The following PSD3 variants were observed in gnomAD, a reference collection of about 807,000 sequenced individuals.
PSD3 encodes the protein PH and SEC7 domain-containing protein 3.
PSD3 carries 49 observed loss-of-function variants against 105.5 expected under a neutral mutation model. That is an observed-to-expected ratio of 0.46 (90% CI 0.37 to 0.59). The LOEUF is 0.59. Ranked by LOEUF, PSD3 falls within the 20% of genes least tolerant of loss-of-function variation. PSD3 has a pLI of 0.00. For synonymous variants in PSD3, 557 were observed against 457.8 expected (o/e 1.22, Z -2.77); for missense variants, 1,561 against 1,263.8 (o/e 1.24, Z -3.57).
chr8:18,973,761 T>C (rs1301901443), intron 1 of PSD3, among the ~76,000 whole-genome samples: 1 of 152,208 alleles, frequency 6.6e-6, no homozygotes. Flanking sequence ...AGTGGGAGTA[T>C]TAGAGTTGGA....
At chr8:18,891,488 A>C (rs1308145763) in intron 2 of PSD3, among the ~76,000 whole-genome samples, 2 of 152,066 alleles carry the variant, frequency 1.3e-5, no homozygotes, top group Non-Finnish European at 2.9e-5. Flanking sequence ...CAATTTTTTA[A>C]ATGTGTGATG....
chr8:18,726,591 G>A (rs529723082), intron 9 of PSD3, among the ~76,000 whole-genome samples: 3 of 152,270 alleles, frequency 2.0e-5, no homozygotes, highest in East Asian at 1.9e-4. Context: ...TGCTCATGGC[G>A]AAAGATTTCC....
intron 4 of PSD3, among the ~76,000 whole-genome samples, chr8:18,828,541 C>T (rs945737369): frequency 3.3e-5 from 5 of 152,152 alleles, no homozygotes; most frequent in African/African-American, 1.2e-4. Flanking sequence ...TGGCTCATGT[C>T]TGTAATCCCA....
In PSD3 at chr8:18,528,983, G is replaced by A. The variant is rs1349779465; in HGVS notation, c.*6760C>T. 1 of 152,342 alleles carries A rather than the reference G, an allele frequency of 6.6e-6. No homozygotes were observed. The highest frequency in any genetic ancestry group is 2.1e-4 in the South Asian group (1 of 4,818). The allele number at this position is 152,342 out of a possible 1,614,324, so 9.4% of individuals were successfully genotyped here. A position where few individuals can be genotyped will look rare whatever the true frequency, so the allele number is the denominator to read the frequency against. On this transcript the variant is annotated 3_prime_UTR_variant, in exon 16 of 16. Coordinates refer to ENST00000327040, the MANE Select transcript of PSD3 (RefSeq NM_015310.4). The stretch of plus-strand genomic sequence containing the variant: ...CAGTCGGAGCTCTCTTACCAGTAAA[G>A]CTCAGAGGGGAGTGTGGACAAGGCA...
chr8:18,790,371 C>T lies in PSD3; in HGVS notation c.2082+8924G>A, dbSNP rs189992712. Reference sequence around the variant, plus strand: ...AAGCTGGAGTGCAGTGGAGTGATCTCGGCTCACTGCAAGCTCTGCTTCCAA... The same window carrying T: ...AAGCTGGAGTGCAGTGGAGTGATCTTGGCTCACTGCAAGCTCTGCTTCCAA... On this transcript the variant is annotated intron_variant, in intron 8 of 15. Coordinates refer to ENST00000327040, the MANE Select transcript of PSD3 (RefSeq NM_015310.4). Among the ~76,000 whole-genome samples the T allele has an allele frequency of 7.5e-5, 11 of 146,888 alleles. No individual in the cohort carries two copies. The South Asian group carries it at 1.1e-3, about 14-fold the overall frequency.
At chr8:18,789,313 A>T (rs1585997955) in intron 8 of PSD3, among the ~76,000 whole-genome samples, 2 of 152,186 alleles carry the variant, frequency 1.3e-5, no homozygotes, top group South Asian at 4.1e-4. Flanking sequence ...AACCGACTAT[A>T]AACACAAACA....
At chr8:18,927,622 T>C (rs113717434) in intron 2 of PSD3, among the ~76,000 whole-genome samples, 24 of 152,334 alleles carry the variant, frequency 1.6e-4, no homozygotes, top group African/African-American at 5.5e-4. Flanking sequence ...TGCTGCTGTG[T>C]AGCCACTGAC....
chr8:19,011,278 CCA>C (rs1826938049), intron 1 of PSD3, among the ~76,000 whole-genome samples: 1 of 152,168 alleles, frequency 6.6e-6, no homozygotes, highest in East Asian at 1.9e-4. Flanking sequence ...TAACCTATCA[CCA>C]CACTGGTGTC....
At chr8:18,733,927 G>A (rs570683131) in intron 9 of PSD3, 1 of 152,400 alleles carries the variant, frequency 6.6e-6, no homozygotes, top group African/African-American at 2.4e-5. Context: ...AGACCACACA[G>A]AAGGCCAAAA....
intron 1 of PSD3, among the ~76,000 whole-genome samples, chr8:19,061,917 C>T (rs1290289325): frequency 6.6e-6 from 1 of 152,152 alleles, no homozygotes; most frequent in African/African-American, 2.4e-5. Flanking sequence ...AAGGTCATGT[C>T]CTATATTCTA....
At chr8:18,594,700 C>G (rs1252158328) in intron 12 of PSD3, among the ~76,000 whole-genome samples, 1 of 151,500 alleles carries the variant, frequency 6.6e-6, no homozygotes, top group Non-Finnish European at 1.5e-5. Flanking sequence ...CATGGATGCT[C>G]AAGTCACTTA....
chr8:18,944,522 G>A (rs1186697490), intron 1 of PSD3, among the ~76,000 whole-genome samples: 1 of 152,046 alleles, frequency 6.6e-6, no homozygotes, highest in African/African-American at 2.4e-5. Context: ...AGTGAGCCAA[G>A]ATTGAGCCAC....
chr8:18,655,464 G>C (rs1808820533), intron 10 of PSD3, among the ~76,000 whole-genome samples, 178 bp downstream of exon 10: 1 of 152,074 alleles, frequency 6.6e-6, no homozygotes, highest in South Asian at 2.1e-4. Context: ...AACCGAAATA[G>C]GTTTTACTTG....
At chr8:18,742,000 T>C (rs966922998) in intron 9 of PSD3, among the ~76,000 whole-genome samples, 2 of 152,150 alleles carry the variant, frequency 1.3e-5, no homozygotes, top group African/African-American at 4.8e-5. Context: ...ATGAAAAATG[T>C]ATAAAAACAT....
At chr8:18,688,141 C>A (rs1800766479) in intron 9 of PSD3, among the ~76,000 whole-genome samples, 1 of 152,050 alleles carries the variant, frequency 6.6e-6, no homozygotes, top group Non-Finnish European at 1.5e-5. Flanking sequence ...TGCAGTGATG[C>A]CATAATAGCT....
At chr8:18,750,073 C>T (rs540879596) in intron 9 of PSD3, among the ~76,000 whole-genome samples, 1 of 152,302 alleles carries the variant, frequency 6.6e-6, no homozygotes, top group South Asian at 2.1e-4. Flanking sequence ...TTGTTTCAAG[C>T]CACTAAGTTT....
chr8:18,994,086 G>A (rs1435009564), intron 1 of PSD3, among the ~76,000 whole-genome samples: 1 of 151,958 alleles, frequency 6.6e-6, no homozygotes, highest in Non-Finnish European at 1.5e-5. Context: ...TGTGATCTAA[G>A]GCAAATTACT....
chr8:18,953,824 G>T (rs147593373), intron 1 of PSD3, among the ~76,000 whole-genome samples: 35 of 152,068 alleles, frequency 2.3e-4, no homozygotes, highest in African/African-American at 8.2e-4. Flanking sequence ...TTAACATGAG[G>T]TAAACTCGCA....
intron 2 of PSD3, among the ~76,000 whole-genome samples, chr8:18,907,145 G>A (rs909947438): frequency 6.6e-6 from 1 of 152,266 alleles, no homozygotes; most frequent in East Asian, 1.9e-4. Context: ...GTTACTGAAA[G>A]ATAAATATTT....
Sources: gnomAD v4.1 joint callset for allele counts (sites outside exome capture counted in the v4.1 genomes callset) on GRCh38, gnomAD v4.1.1 for gene constraint, MANE v1.5 for transcripts, NCBI Gene and HGNC (gene_info 2026-07-23, HGNC 2026-07-21) for gene names.